The following SUPT3H variants were observed in gnomAD, a reference collection of about 807,000 sequenced individuals.
The protein encoded by SUPT3H is SPT3 homolog, SAGA and STAGA complex component, also known as transcription initiation protein SPT3 homolog.
In SUPT3H, 44 loss-of-function variants were observed where a neutral mutation model predicts 44.3. The ratio of observed to expected loss-of-function variants is 0.99; its 90% CI spans 0.78 to 1.28. The LOEUF is 1.28. SUPT3H is among the 50% of genes most tolerant of loss of function. SUPT3H has a pLI of 0.00. For missense variants in SUPT3H, 380 were observed against 387.1 expected (o/e 0.98, Z 0.15); for synonymous variants, 124 against 125.6 (o/e 0.99, Z 0.09).
chr6:45,300,422 A>G (rs1323692621), intron 2 of SUPT3H, among the ~76,000 whole-genome samples: 3 of 152,350 alleles, frequency 2.0e-5, no homozygotes, highest in Middle Eastern at 3.4e-3. Context: ...TTGGAAAATA[A>G]CAAGCATTGG....
intron 3 of SUPT3H, among the ~76,000 whole-genome samples, chr6:45,023,362 G>A (rs571607594): frequency 6.6e-6 from 1 of 152,024 alleles, no homozygotes; most frequent in South Asian, 2.1e-4. Context: ...ATTGTGGAAA[G>A]CGGTATGGTG....
chr6:44,863,825 G>A (rs933114305), intron 10 of SUPT3H, among the ~76,000 whole-genome samples: 3 of 151,980 alleles, frequency 2.0e-5, no homozygotes, highest in Non-Finnish European at 4.4e-5. Flanking sequence ...GTCTCACATC[G>A]CAGCAGGCAA....
intron 6 of SUPT3H, among the ~76,000 whole-genome samples, chr6:44,969,559 TCA>T (rs760041000): frequency 2.6e-5 from 4 of 151,662 alleles, no homozygotes; most frequent in Non-Finnish European, 4.4e-5. Flanking sequence ...AGGCAGAAAA[TCA>T]CAGAGAAACA....
intron 10 of SUPT3H, among the ~76,000 whole-genome samples, chr6:44,842,881 G>A (rs1454692922): frequency 6.6e-6 from 1 of 151,894 alleles, no homozygotes; most frequent in Non-Finnish European, 1.5e-5. Context: ...CTTGTTTTCG[G>A]TGGGAGCAAA....
chr6:45,369,060 T>C (rs1378846750), intron 1 of SUPT3H, among the ~76,000 whole-genome samples: 1 of 152,142 alleles, frequency 6.6e-6, no homozygotes, highest in Non-Finnish European at 1.5e-5. Context: ...ACCTAGTGTT[T>C]AGAATAACAC....
intron 11 of SUPT3H, among the ~76,000 whole-genome samples, chr6:44,819,617 C>A (rs1447539503): frequency 6.6e-6 from 1 of 151,070 alleles, no homozygotes; most frequent in Non-Finnish European, 1.5e-5. Context: ...CATAGTGAGA[C>A]CCTGTCTCTA....
chr6:45,277,172 T>C (rs552100784), intron 2 of SUPT3H, among the ~76,000 whole-genome samples: 3 of 152,322 alleles, frequency 2.0e-5, no homozygotes, highest in South Asian at 2.1e-4. Context: ...ATTCCACTAA[T>C]GTCAAATTAT....
At chr6:45,246,319 G>C (rs1178013676) in intron 2 of SUPT3H, among the ~76,000 whole-genome samples, 1 of 151,964 alleles carries the variant, frequency 6.6e-6, no homozygotes, top group Non-Finnish European at 1.5e-5. Context: ...TGTGTTTTTA[G>C]TATAATATCC....
chr6:45,257,339 T>C (rs1018511110), intron 2 of SUPT3H, among the ~76,000 whole-genome samples: 2 of 152,200 alleles, frequency 1.3e-5, no homozygotes, highest in Non-Finnish European at 2.9e-5. Flanking sequence ...CCAGGCACCC[T>C]GGCTCCATGC....
intron 5 of SUPT3H, among the ~76,000 whole-genome samples, chr6:45,010,142 TA>T (rs779678580): frequency 1.8e-4 from 28 of 152,160 alleles, no homozygotes; most frequent in Non-Finnish European, 3.5e-4. Flanking sequence ...GAGGTGTGCA[TA>T]GCTGATATAT....
chr6:45,375,486 C>G (rs757301472), intron 1 of SUPT3H, among the ~76,000 whole-genome samples: 9 of 152,150 alleles, frequency 5.9e-5, no homozygotes, highest in Non-Finnish European at 1.5e-5. Context: ...TGATTTAACT[C>G]GTGAGCTTTA....
At chr6:45,043,175 A>ACACACACG (rs1554218942) in intron 3 of SUPT3H, among the ~76,000 whole-genome samples, 4 of 150,598 alleles carry the variant, frequency 2.7e-5, no homozygotes, top group South Asian at 4.2e-4. Flanking sequence ...ACACACGCAC[A>ACACACACG]CACACAAACA....
At chr6:45,080,715 A>G (rs1471575397) in intron 3 of SUPT3H, among the ~76,000 whole-genome samples, 1 of 152,154 alleles carries the variant, frequency 6.6e-6, no homozygotes, top group Non-Finnish European at 1.5e-5. Context: ...TATGGAGGCT[A>G]AAAATTAAAA....
At chr6:45,318,366 T>C (rs572057892) in intron 2 of SUPT3H, among the ~76,000 whole-genome samples, 4 of 152,078 alleles carry the variant, frequency 2.6e-5, no homozygotes, top group Admixed American at 2.6e-4. Context: ...GCAAAACCTA[T>C]GAAATGGTAC....
At chr6:45,157,839 C>A (rs984165680) in intron 2 of SUPT3H, among the ~76,000 whole-genome samples, 2 of 151,618 alleles carry the variant, frequency 1.3e-5, no homozygotes, top group African/African-American at 2.4e-5. Flanking sequence ...AGCCACCGCA[C>A]CCGGCCAGCA....
intron 9 of SUPT3H, among the ~76,000 whole-genome samples, chr6:44,933,714 G>A (rs2153462139): frequency 6.6e-6 from 1 of 152,300 alleles, no homozygotes; most frequent in South Asian, 2.1e-4. Flanking sequence ...TGTGCTCACA[G>A]CTCACTGAAG....
chr6:45,001,372 T>C (rs1244153703), intron 6 of SUPT3H, among the ~76,000 whole-genome samples: 1 of 152,024 alleles, frequency 6.6e-6, no homozygotes, highest in Admixed American at 6.6e-5. Flanking sequence ...AATCTGGTGC[T>C]AGAGAAAAAT....
At chr6:44,995,214 T>C (rs1484658346) in intron 6 of SUPT3H, among the ~76,000 whole-genome samples, 1 of 152,044 alleles carries the variant, frequency 6.6e-6, no homozygotes, top group Non-Finnish European at 1.5e-5. Flanking sequence ...ATTTATTTAT[T>C]GAGAGCATCT....
At chr6:44,980,259 A>AG (rs1778910968) in intron 6 of SUPT3H, among the ~76,000 whole-genome samples, 1 of 151,770 alleles carries the variant, frequency 6.6e-6, no homozygotes, top group Non-Finnish European at 1.5e-5. Context: ...AAAAAAAAAA[A>AG]GAAAAAATGA....
Sources: gnomAD v4.1 joint callset for allele counts (sites outside exome capture counted in the v4.1 genomes callset) on GRCh38, gnomAD v4.1.1 for gene constraint, MANE v1.5 for transcripts, NCBI Gene and HGNC (gene_info 2026-07-23, HGNC 2026-07-21) for gene names.